DPH6: variants seen among roughly 807,000 people sequenced by gnomAD.
The protein encoded by DPH6 is diphthine--ammonia ligase.
In DPH6, 33 loss-of-function variants were observed where a neutral mutation model predicts 38.2. That is an observed-to-expected ratio of 0.86 (90% CI 0.65 to 1.15). DPH6 has a LOEUF of 1.15. DPH6 is among the 50% of genes most tolerant of loss of function. DPH6 has a pLI of 0.00. For missense variants in DPH6, 325 were observed against 320.0 expected (o/e 1.02, Z -0.12); for synonymous variants, 108 against 103.0 (o/e 1.05, Z -0.30).
At chr15:35,217,237 T>C (rs1216429091), downstream of DPH6, 1 of 152,242 alleles carries the variant, frequency 6.6e-6, no homozygotes, top group African/African-American at 2.4e-5. Flanking sequence ...AGCAAAAATT[T>C]AGGTTTAGAT....
At position 35,436,346 on chromosome 15, in the gene DPH6, C is replaced by A. The variant is rs113315112; in HGVS notation, c.505+14339G>T. Among the ~76,000 whole-genome samples, 9 of 151,330 alleles carry A rather than the reference C, an allele frequency of 5.9e-5. No homozygotes were observed. The East Asian group carries it at 1.4e-3, about 23-fold the overall frequency. On this transcript the variant is annotated intron_variant, in intron 5 of 8. Coordinates refer to ENST00000256538, the MANE Select transcript of DPH6 (RefSeq NM_080650.4). ...CTGGGCGTGGTGGTGGGCGCCTGTA[C>A]TCCCAGCTACTCGGGAGGCTGAGGC...
intron 6 of DPH6, among the ~76,000 whole-genome samples, chr15:35,406,226 G>A (rs1262151512): frequency 6.6e-6 from 1 of 151,826 alleles, no homozygotes; most frequent in African/African-American, 2.4e-5. Context: ...GAGAGGGAAG[G>A]ATAACATGGA....
chr15:35,365,762 A>T (rs1250531079), intron 3 of DPH6: 10 of 984,428 alleles, frequency 1.0e-5, no homozygotes, highest in Non-Finnish European at 1.2e-5. Context: ...TCGAGACAGA[A>T]ATGAGTCAAG....
intron 3 of DPH6, chr15:35,237,353 G>C (rs996688784): frequency 6.3e-7 from 1 of 1,596,086 alleles, no homozygotes; most frequent in African/African-American, 1.3e-5. Context: ...GATTCATTTA[G>C]AGCTGCGGAA....
At chr15:35,238,261 T>A in intron 3 of DPH6, 1 of 464,238 alleles carries the variant, frequency 2.2e-6, no homozygotes, top group Non-Finnish European at 3.8e-6. Context: ...ATACTATTTT[T>A]ACTGCCAAAA....
the DPH6 span, among the ~76,000 whole-genome samples, chr15:35,164,584 A>G: frequency 6.6e-6 from 1 of 151,828 alleles, no homozygotes; most frequent in South Asian, 2.1e-4. Context: ...AAAATATTTT[A>G]TTGACCATAT....
At chr15:35,333,029 T>C (rs1595483388) in intron 3 of DPH6, among the ~76,000 whole-genome samples, 1 of 151,146 alleles carries the variant, frequency 6.6e-6, no homozygotes, top group South Asian at 2.1e-4. Flanking sequence ...ACAGCTTGTG[T>C]GAGGATGTCA....
intron 3 of DPH6, among the ~76,000 whole-genome samples, chr15:35,463,279 T>C (rs1277756661): frequency 6.6e-6 from 1 of 152,190 alleles, no homozygotes; most frequent in African/African-American, 2.4e-5. Flanking sequence ...TTGTAGTATG[T>C]ATCATGAACC....
intron 3 of DPH6, among the ~76,000 whole-genome samples, chr15:35,508,550 GT>G (rs1353875380): frequency 1.3e-5 from 2 of 151,842 alleles, no homozygotes; most frequent in African/African-American, 4.8e-5. Context: ...TGGGCTTAAA[GT>G]TTTTTTTATA....
At chr15:35,378,073 C>A (rs1566886591) in intron 7 of DPH6, among the ~76,000 whole-genome samples, 2 of 151,902 alleles carry the variant, frequency 1.3e-5, no homozygotes. Context: ...CTCTAAATTA[C>A]TTCATTATAC....
intron 3 of DPH6, among the ~76,000 whole-genome samples, chr15:35,331,890 C>T (rs946407431): frequency 5.3e-5 from 8 of 152,062 alleles, no homozygotes; most frequent in African/African-American, 1.9e-4. Context: ...GCTGAGGGAG[C>T]GCCTTTGGCT....
At chr15:35,406,478 T>C (rs1051132645) in intron 6 of DPH6, among the ~76,000 whole-genome samples, 5 of 151,924 alleles carry the variant, frequency 3.3e-5, no homozygotes, top group African/African-American at 7.2e-5. Context: ...CTGTGGACAA[T>C]TGACTGACAA....
intron 3 of DPH6, among the ~76,000 whole-genome samples, chr15:35,512,677 G>A (rs911704388): frequency 5.3e-5 from 8 of 151,888 alleles, no homozygotes; most frequent in African/African-American, 1.9e-4. Flanking sequence ...TTGAGTTCAC[G>A]AAATGCCAGG....
chr15:35,525,413 C>T (rs752814645), intron 3 of DPH6, among the ~76,000 whole-genome samples: 1 of 152,128 alleles, frequency 6.6e-6, no homozygotes, highest in Non-Finnish European at 1.5e-5. Flanking sequence ...ACAGCATACT[C>T]GTCTGCTCTC....
At chr15:35,464,292 C>T (rs74766724) in intron 3 of DPH6, among the ~76,000 whole-genome samples, 13 of 113,512 alleles carry the variant, frequency 1.1e-4, no homozygotes, top group Admixed American at 3.8e-4. Context: ...GACTTTGTCT[C>T]AAAAAAAAAA....
At chr15:35,413,595 C>T (rs1362933820) in intron 5 of DPH6, among the ~76,000 whole-genome samples, 1 of 151,600 alleles carries the variant, frequency 6.6e-6, no homozygotes, top group African/African-American at 2.4e-5. Context: ...AACACTGTGA[C>T]ACCAGCTTTC....
At chr15:35,308,151 C>T (rs1244115711) in intron 3 of DPH6, among the ~76,000 whole-genome samples, 1 of 152,084 alleles carries the variant, frequency 6.6e-6, no homozygotes, top group Admixed American at 6.6e-5. Flanking sequence ...CGCCTGTAGT[C>T]CCTGCTACTC....
chr15:35,328,856 G>A (rs1474743513), downstream of DPH6, among the ~76,000 whole-genome samples: 1 of 152,150 alleles, frequency 6.6e-6, no homozygotes, highest in East Asian at 1.9e-4. Flanking sequence ...ACGTGGCTGG[G>A]GAAGCCTCAC....
At chr15:35,509,651 T>C (rs1353575169) in intron 3 of DPH6, among the ~76,000 whole-genome samples, 1 of 152,174 alleles carries the variant, frequency 6.6e-6, no homozygotes, top group Non-Finnish European at 1.5e-5. Context: ...ACAAATAAGA[T>C]TGGAAATATA....
Sources: gnomAD v4.1 joint callset for allele counts (sites outside exome capture counted in the v4.1 genomes callset) on GRCh38, gnomAD v4.1.1 for gene constraint, MANE v1.5 for transcripts, NCBI Gene and HGNC (gene_info 2026-07-23, HGNC 2026-07-21) for gene names.